TSHZ3: variants seen among roughly 807,000 people sequenced by gnomAD.
TSHZ3 encodes the protein teashirt homolog 3.
TSHZ3 carries 10 observed loss-of-function variants against 64.5 expected under a neutral mutation model. The observed-to-expected ratio is 0.16, with a 90% CI of 0.10 to 0.26. The LOEUF is 0.26. TSHZ3 is among the 10% of genes least tolerant of loss of function. TSHZ3 has a pLI of 1.00. For missense variants in TSHZ3, 1,242 were observed against 1,421.7 expected (o/e 0.87, Z 2.03); for synonymous variants, 608 against 593.1 (o/e 1.03, Z -0.36).
At chr19:31,321,680 C>T (rs1201095510) in intron 1 of TSHZ3, among the ~76,000 whole-genome samples, 1 of 152,192 alleles carries the variant, frequency 6.6e-6, no homozygotes, top group Non-Finnish European at 1.5e-5. Context: ...ACTTTCCATC[C>T]AGACTGTGTG....
At chr19:31,313,628 G>A (rs770159230) in intron 1 of TSHZ3, among the ~76,000 whole-genome samples, 51 of 152,182 alleles carry the variant, frequency 3.4e-4, no homozygotes, top group Non-Finnish European at 6.2e-4. Context: ...AGACACCCAG[G>A]AAACAGGCAG....
intron 1 of TSHZ3, among the ~76,000 whole-genome samples, chr19:31,330,237 T>A (rs1431751952): frequency 6.6e-6 from 1 of 152,146 alleles, no homozygotes; most frequent in African/African-American, 2.4e-5. Context: ...TAAAACTCGC[T>A]AAACTCTCAA....
chr19:31,264,180 G>A (rs1976018516), intron 1 of TSHZ3, among the ~76,000 whole-genome samples: 1 of 152,180 alleles, frequency 6.6e-6, no homozygotes. Context: ...CCTCCTGCAA[G>A]CCCTATGATT....
intron 1 of TSHZ3, among the ~76,000 whole-genome samples, chr19:31,346,723 T>C (rs1917602757): frequency 6.6e-6 from 1 of 151,668 alleles, no homozygotes; most frequent in South Asian, 2.1e-4. Flanking sequence ...CCTTATAACT[T>C]GCAGCTGGGA....
rs567798041 is a variant in TSHZ3 at position 31,206,715 on chromosome 19, T to C, written n.687-1637A>G. On this transcript the variant is annotated intron_variant and non_coding_transcript_variant, in intron 4 of 6. Transcript: ENST00000651361. ...AGCCCCTAAGTAGAAAGAAATCTAT[T>C]TTTCAGCATTTAATTCATACAAAAT... Among the ~76,000 whole-genome samples the C allele has an allele frequency of 1.6e-4, 24 of 152,332 alleles. No homozygotes were observed. The South Asian group carries it at 5.0e-3, about 32-fold the overall frequency.
intron 5 of TSHZ3, among the ~76,000 whole-genome samples, chr19:31,184,945 C>T (rs1007806183): frequency 1.3e-5 from 2 of 152,158 alleles, no homozygotes; most frequent in Non-Finnish European, 2.9e-5. Context: ...TATTTTTCCC[C>T]CCAAGGGGTT....
intron 1 of TSHZ3, among the ~76,000 whole-genome samples, chr19:31,320,062 C>T (rs1041531857): frequency 2.1e-5 from 3 of 140,980 alleles, no homozygotes; most frequent in African/African-American, 9.8e-5. Flanking sequence ...GAGCTCACAC[C>T]CTGAAACATT....
chr19:31,227,422 C>A (rs1975482287), intron 4 of TSHZ3, among the ~76,000 whole-genome samples: 1 of 152,088 alleles, frequency 6.6e-6, no homozygotes, highest in Non-Finnish European at 1.5e-5. Context: ...AGGAAAAAAA[C>A]CCTATTTTCT....
chr19:31,244,329 T>C (rs986921808), intron 1 of TSHZ3, among the ~76,000 whole-genome samples: 3 of 152,146 alleles, frequency 2.0e-5, no homozygotes, highest in African/African-American at 7.2e-5. Flanking sequence ...GCTCTGGCCA[T>C]GTAAGACATG....
chr19:31,230,118 A>G (rs901976151), intron 3 of TSHZ3, among the ~76,000 whole-genome samples: 2 of 152,228 alleles, frequency 1.3e-5, no homozygotes, highest in Admixed American at 6.5e-5. Flanking sequence ...GGTTGTTTAT[A>G]AAAGCAAAAA....
intron 1 of TSHZ3, among the ~76,000 whole-genome samples, chr19:31,309,639 G>A (rs796887505): frequency 6.6e-5 from 10 of 152,206 alleles, no homozygotes; most frequent in African/African-American, 2.2e-4. Flanking sequence ...TAAATGAAAC[G>A]TGCGGATAAA....
chr19:31,160,467 A>C (rs1202332857), intron 5 of TSHZ3, among the ~76,000 whole-genome samples: 1 of 152,150 alleles, frequency 6.6e-6, no homozygotes, highest in African/African-American at 2.4e-5. Context: ...TTTCCCCTGG[A>C]TACTCTGTCT....
chr19:31,278,875 C>T lies in TSHZ3; in HGVS notation c.918G>A (p.Lys306=). The T allele has an allele frequency of 6.2e-7, 1 of 1,614,062 alleles. No individual in the cohort carries two copies. Among genetic ancestry groups the T allele is most frequent in the South Asian group, 1.1e-5 (1 of 91,074 alleles). ...KTKHYQKVPL[K]EPVTPVAAKI... is the part of the protein sequence containing the mutation. ...TGGCGGCGACAGGAGTGACGGGTTC[C>T]TTCAGAGGCACTTTTTGGTAGTGTT... The change falls in exon 2 of 2, where the codon AAG becomes AAA. Residue 306 remains lysine, a synonymous_variant. Transcript: ENST00000240587. The surrounding 1 kb of genome is among the most constrained non-coding windows in gnomAD (Gnocchi z 4.7).
intron 1 of TSHZ3, among the ~76,000 whole-genome samples, chr19:31,322,214 C>A (rs1916793224): frequency 6.6e-6 from 1 of 152,192 alleles, no homozygotes; most frequent in Non-Finnish European, 1.5e-5. Context: ...TGGCCTATTG[C>A]AATCTCTATC....
intron 1 of TSHZ3, among the ~76,000 whole-genome samples, chr19:31,280,958 A>G (rs78211548): frequency 0.042 from 6,450 of 152,264 alleles, 345 homozygotes; most frequent in African/African-American, 0.11. Context: ...TTTTTTGGAC[A>G]GTGAGGAGTG....
At chr19:31,264,490 C>T (rs982382624) in intron 1 of TSHZ3, among the ~76,000 whole-genome samples, 3 of 152,312 alleles carry the variant, frequency 2.0e-5, no homozygotes, top group Admixed American at 6.5e-5. Context: ...ACCTCAGTCC[C>T]GCCTGTGGGA....
intron 1 of TSHZ3, among the ~76,000 whole-genome samples, chr19:31,267,139 C>T (rs1976064064): frequency 6.6e-6 from 1 of 152,182 alleles, no homozygotes; most frequent in Admixed American, 6.5e-5. Context: ...TTATGAAAGG[C>T]CAAGGCAGGT....
chr19:31,212,224 G>A (rs528845730), intron 4 of TSHZ3, among the ~76,000 whole-genome samples: 1 of 152,202 alleles, frequency 6.6e-6, no homozygotes, highest in African/African-American at 2.4e-5. Flanking sequence ...GGGAGGCCAA[G>A]GCAGGAGAAT....
intron 1 of TSHZ3, among the ~76,000 whole-genome samples, chr19:31,253,440 A>T (rs962916768): frequency 2.0e-5 from 3 of 152,204 alleles, no homozygotes; most frequent in African/African-American, 7.2e-5. Context: ...TTGCATCTCA[A>T]CTGTGTGCCC....
Sources: allele counts gnomAD v4.1 joint callset (sites outside exome capture counted in the v4.1 genomes callset), GRCh38; gene constraint gnomAD v4.1.1; non-coding constraint Gnocchi (gnomAD v3.1); transcripts MANE v1.5; gene names NCBI Gene and HGNC (gene_info 2026-07-23, HGNC 2026-07-21).